Variants in DLG5 observed in about 807,000 individuals in gnomAD.
DLG5 encodes discs large MAGUK scaffold protein 5, also known as disks large homolog 5.
DLG5 carries 48 observed loss-of-function variants against 189.8 expected under a neutral mutation model. That is an observed-to-expected ratio of 0.25 (90% CI 0.20 to 0.32). The LOEUF is 0.32. Among genes scored for constraint, DLG5 ranks in the 10% least tolerant of loss-of-function variants. DLG5 has a pLI of 1.00. For missense variants in DLG5, 2,160 were observed against 2,544.7 expected (o/e 0.85, Z 3.25); for synonymous variants, 1,016 against 1,054.1 (o/e 0.96, Z 0.70).
chr10:77,866,766 T>C (rs919786035), intron 2 of DLG5: 3 of 354,712 alleles, frequency 8.5e-6, no homozygotes, highest in Non-Finnish European at 1.7e-5. Flanking sequence ...TGCATCCCCA[T>C]GTACTGGCTG....
chr10:77,824,698 G>A (rs947101358), intron 13 of DLG5: 4 of 504,932 alleles, frequency 7.9e-6, no homozygotes, highest in African/African-American at 7.9e-5. Context: ...GCAGGCTAGG[G>A]GAGGAGCATG....
intron 1 of DLG5, among the ~76,000 whole-genome samples, chr10:77,925,672 C>T (rs112855167): frequency 6.6e-6 from 1 of 152,324 alleles, no homozygotes; most frequent in Non-Finnish European, 1.5e-5. Flanking sequence ...GAAACCCAGG[C>T]AGGCGTTGTG....
At chr10:77,891,995 G>A (rs566383040) in intron 1 of DLG5, among the ~76,000 whole-genome samples, 1 of 152,296 alleles carries the variant, frequency 6.6e-6, no homozygotes, top group Non-Finnish European at 1.5e-5. Flanking sequence ...CAGAGACACA[G>A]GCCCCCAGGG....
chr10:77,817,078 T>TG lies in DLG5; in HGVS notation c.3802dup (p.Gln1268ProfsTer8). The TG allele has an allele frequency of 6.2e-7, 1 of 1,614,184 alleles. No homozygotes were observed. The highest frequency in any genetic ancestry group is 8.5e-7 in the Non-Finnish European group (1 of 1,180,040). ...GATTTTAATGCGTTCCGCCTTGAAC[T>TG]GCAAGTTACTCGAAGAACCTATTGT... On this transcript the variant is annotated frameshift_variant, in exon 19 of 32. Transcript: ENST00000372391. LOFTEE classifies it high-confidence loss of function.
At chr10:77,877,262 C>T (rs1283858850) in intron 1 of DLG5, among the ~76,000 whole-genome samples, 1 of 151,680 alleles carries the variant, frequency 6.6e-6, no homozygotes, top group Non-Finnish European at 1.5e-5. Context: ...CAAGACCCTT[C>T]ACTCGCTAAC....
intron 1 of DLG5, among the ~76,000 whole-genome samples, chr10:77,892,534 C>A (rs4979797): frequency 0.035 from 5,333 of 152,250 alleles, 316 homozygotes; most frequent in African/African-American, 0.12. Context: ...TAGTCCAGTG[C>A]CCCATTTGAC....
chr10:77,883,714 T>TTG (rs1845354514), intron 1 of DLG5, among the ~76,000 whole-genome samples: 2 of 147,446 alleles, frequency 1.4e-5, no homozygotes, highest in Non-Finnish European at 3.0e-5. Flanking sequence ...TTTTTTTTTT[T>TTG]GAGACGGAGT....
At chr10:77,814,505 A>ATATCTATC (rs36102159) in intron 20 of DLG5, among the ~76,000 whole-genome samples, 2 of 110,254 alleles carry the variant, frequency 1.8e-5, no homozygotes, top group Non-Finnish European at 3.7e-5. Context: ...ATATATATAT[A>ATATCTATC]TCCAAAGGGT....
At chr10:77,812,950 C>T (rs910240110) in intron 20 of DLG5, among the ~76,000 whole-genome samples, 8 of 152,244 alleles carry the variant, frequency 5.3e-5, no homozygotes, top group African/African-American at 1.9e-4. Flanking sequence ...CCCAAGGGCG[C>T]CGGGGCAGGG....
intron 29 of DLG5, 132 bp downstream of exon 29, chr10:77,795,929 A>T: frequency 7.4e-7 from 1 of 1,357,278 alleles, no homozygotes; most frequent in Non-Finnish European, 1.0e-6. Context: ...AGGTGAACTC[A>T]GACTAACACA....
At chr10:77,838,841 GGA>G (rs1382292172) in intron 7 of DLG5, among the ~76,000 whole-genome samples, 1 of 152,226 alleles carries the variant, frequency 6.6e-6, no homozygotes, top group Non-Finnish European at 1.5e-5. Context: ...TCTTGCCGGT[GGA>G]GAGTGCTCTC....
chr10:77,819,252 C>A, intron 17 of DLG5, 69 bp downstream of exon 17: 1 of 1,609,308 alleles, frequency 6.2e-7, no homozygotes, highest in Non-Finnish European at 8.5e-7. Context: ...TCTTTATGCA[C>A]TCATGGTTCC....
the DLG5 span, among the ~76,000 whole-genome samples, chr10:77,933,592 C>T: frequency 6.6e-6 from 1 of 152,100 alleles, no homozygotes. Flanking sequence ...CGGTGCCCGG[C>T]TTATCAGCAT....
At chr10:77,816,113 TG>T in intron 20 of DLG5, 1 of 476,914 alleles carries the variant, frequency 2.1e-6, no homozygotes, top group Non-Finnish European at 4.1e-6. Flanking sequence ...TGAGTCCCGG[TG>T]CCAGCCACTA....
rs540438419 is a variant in DLG5 at position 77,834,025 on chromosome 10, T to A, written c.1637A>T (p.Asn546Ile). The A allele has an allele frequency of 8.5e-5, 137 of 1,609,610 alleles. 1 individual carries two copies. The South Asian group carries it at 1.4e-3, about 17-fold the overall frequency. Reference sequence around the variant, plus strand: ...CGCACGGTCCCGCTCCCGCCTCAGGTTGTCACACAGTGTCCTGGTGGAAGG... The same window carrying A: ...CGCACGGTCCCGCTCCCGCCTCAGGATGTCACACAGTGTCCTGGTGGAAGG... ...ERDSIRTLCD[N>I]LRRERDRAVS... The change falls in exon 9 of 32, where the codon AAC (asparagine) becomes ATC (isoleucine). Residue 546 changes from asparagine to isoleucine, a missense_variant. Transcript: ENST00000372391.
Position 77,805,769 on chromosome 10 carries a change from G to A in DLG5, c.5060C>T (p.Ser1687Phe). The A allele has an allele frequency of 1.2e-6, 2 of 1,614,198 alleles. No homozygotes were observed. Among genetic ancestry groups the A allele is most frequent in the Non-Finnish European group, 1.7e-6 (2 of 1,180,044 alleles). Residue 1687 changes from serine to phenylalanine, a missense_variant, in exon 27 of 32, where the codon TCC becomes TTC. This residue lies in a region of DLG5 where 574 missense variants were observed against 644.2 expected (regional missense o/e 0.89). Coordinates refer to ENST00000372391, the MANE Select transcript of DLG5 (RefSeq NM_004747.4). The part of the protein sequence containing the change: ...TKTLSAAARR[S>F]FFRRKHKHKR... ...GTGCTTGTGTTTCCTCCGAAAAAAG[G>A]ACCGGCGTGCAGCCGCTGACAGCGT...
At chr10:77,807,576 C>T (rs577247605) in intron 25 of DLG5, among the ~76,000 whole-genome samples, 2 of 152,292 alleles carry the variant, frequency 1.3e-5, no homozygotes, top group South Asian at 4.1e-4. Context: ...GTCTTAAGCC[C>T]TAAAGAGGGG....
intron 1 of DLG5, among the ~76,000 whole-genome samples, chr10:77,893,918 C>T (rs1248965014): frequency 1.3e-5 from 2 of 152,160 alleles, no homozygotes; most frequent in African/African-American, 2.4e-5. Context: ...CCCTACCCGG[C>T]GCGTGGCCCG....
At chr10:77,918,863 T>C (rs1350099531) in intron 1 of DLG5, among the ~76,000 whole-genome samples, 1 of 152,104 alleles carries the variant, frequency 6.6e-6, no homozygotes, top group African/African-American at 2.4e-5. Flanking sequence ...GAAACGACTA[T>C]AGAGCCCCCT....
Sources: gnomAD v4.1 joint callset for allele counts (sites outside exome capture counted in the v4.1 genomes callset) on GRCh38, gnomAD v4.1.1 for gene constraint, gnomAD v4.1.1 regional missense constraint, MANE v1.5 for transcripts, NCBI Gene and HGNC (gene_info 2026-07-23, HGNC 2026-07-21) for gene names.